BIRC6: variants seen among roughly 807,000 people sequenced by gnomAD.
The protein encoded by BIRC6 is baculoviral IAP repeat containing 6, also known as dual E2 ubiquitin-conjugating enzyme/E3 ubiquitin-protein ligase BIRC6.
Under a neutral mutation model 503.3 loss-of-function variants are expected in BIRC6, and 98 were observed. That is an observed-to-expected ratio of 0.19 (90% CI 0.17 to 0.23). BIRC6 has a LOEUF of 0.23. Ranked by LOEUF, BIRC6 falls within the 10% of genes least tolerant of loss-of-function variation. BIRC6 has a pLI of 1.00. For missense variants in BIRC6, 5,360 were observed against 5,806.0 expected, an observed-to-expected ratio of 0.92 and a Z score of 2.50; for synonymous variants, 2,240 against 2,078.7, an observed-to-expected ratio of 1.08 and a Z score of -2.11.
At chr2:32,406,695 T>A (rs962444715) in intron 9 of BIRC6, 138 bp downstream of exon 9, 1 of 562,042 alleles carries the variant, frequency 1.8e-6, no homozygotes. Context: ...GACTGAAATA[T>A]TGTGTGTCAG....
chr2:32,442,105 G>A lies in BIRC6; in HGVS notation c.3985G>A (p.Glu1329Lys). Reference protein sequence around the residue: ...CAMLQFSEFHEKLLNTLCRKT... With the variant: ...CAMLQFSEFHKKLLNTLCRKT... ...CATGTTACAGTTTTCAGAATTTCAT[G>A]AGAAGCTTCTTAATACTCTTTGCAG... is the stretch of plus-strand genomic sequence containing the variant. The change falls in exon 18 of 74, where the codon GAG becomes AAG. Residue 1329 changes from glutamate to lysine, a missense_variant. Physicochemically the swap from Glu to Lys is moderately conservative, Grantham distance 56. Around this residue, in one of 16 missense-constraint regions of BIRC6, gnomAD observed 2,299 missense variants for 2,267.2 expected, o/e 1.01. Transcript: ENST00000421745. 6.3e-7 allele frequency: 1 copy of A among 1,596,432 alleles called. No homozygotes were observed. The highest frequency in any genetic ancestry group is 8.5e-7 in the Non-Finnish European group (1 of 1,175,046).
chr2:32,378,831 T>A (rs2037216905), intron 2 of BIRC6: 1 of 152,240 alleles, frequency 6.6e-6, no homozygotes. Context: ...TATATACTTT[T>A]CTGTAGTGTT....
rs1229362421 is a variant in BIRC6, at chr2:32,545,763, C to T, written c.12713C>T (p.Ala4238Val). The change falls in exon 63 of 74, where the codon GCA (alanine) becomes GTA (valine). Residue 4238 changes from alanine to valine, a missense_variant. Physicochemically the swap from Ala to Val is moderately conservative, Grantham distance 64. Around this residue, in one of 16 missense-constraint regions of BIRC6, gnomAD observed 477 missense variants for 574.4 expected, o/e 0.83. Transcript: ENST00000421745. ...GATGGTGTACTTCTAAGGCGGATGGCATTGGAAATTGGAGCCTTACACCTC... is the reference window on the plus strand; with the variant it reads ...GATGGTGTACTTCTAAGGCGGATGGTATTGGAAATTGGAGCCTTACACCTC... ...TDDGVLLRRM[A>V]LEIGALHLIL... is the part of the protein sequence containing the mutation. 1 of 1,613,912 alleles carries T rather than the reference C, an allele frequency of 6.2e-7. No individual in the cohort carries two copies. The highest frequency in any genetic ancestry group is 2.2e-5 in the East Asian group (1 of 44,878).
chr2:32,509,406 C>G (rs751110040), intron 51 of BIRC6, among the ~76,000 whole-genome samples: 44 of 152,088 alleles, frequency 2.9e-4, no homozygotes, highest in Non-Finnish European at 5.0e-4. Context: ...AGGCGCCCAC[C>G]ACCATGCCCA....
chr2:32,371,634 C>T (rs1363796415), intron 1 of BIRC6, among the ~76,000 whole-genome samples: 3 of 152,098 alleles, frequency 2.0e-5, no homozygotes, highest in African/African-American at 7.2e-5. Flanking sequence ...CCGCCCGCCT[C>T]GGCCTCCCAA....
At position 32,461,920 on chromosome 2, in the gene BIRC6, A is replaced by G. The variant is rs78310092; in HGVS notation, c.4754-1274A>G. On this transcript the variant is annotated intron_variant, in intron 23 of 73. Coordinates refer to ENST00000421745, the MANE Select transcript of BIRC6 (RefSeq NM_016252.4). ...TTGCCGAGATTAAATAAGCTGATGT[A>G]GCTTCCATGCTTAACACTATGCCCT... 4.5e-4 allele frequency among the ~76,000 whole-genome samples: 69 copies of G among 152,272 alleles called. 1 individual carries two copies. The East Asian group carries it at 0.012, about 26-fold the overall frequency.
At chr2:32,587,531 C>T (rs2151287170) in intron 66 of BIRC6, among the ~76,000 whole-genome samples, 1 of 152,148 alleles carries the variant, frequency 6.6e-6, no homozygotes, top group African/African-American at 2.4e-5. Context: ...TGAGACTAGC[C>T]TGGGCAACAA....
intron 45 of BIRC6, among the ~76,000 whole-genome samples, chr2:32,497,114 T>G (rs1014032500): frequency 6.6e-6 from 1 of 152,268 alleles, no homozygotes; most frequent in Non-Finnish European, 1.5e-5. Flanking sequence ...GTTAGATGTT[T>G]CCCTGCATCT....
intron 1 of BIRC6, among the ~76,000 whole-genome samples, chr2:32,365,383 G>A (rs914963707): frequency 2.0e-5 from 3 of 149,988 alleles, no homozygotes; most frequent in East Asian, 3.9e-4. Context: ...GCAATGGCGC[G>A]ATCTCAGCTC....
At chr2:32,559,877 G>A (rs947703607) in intron 65 of BIRC6, among the ~76,000 whole-genome samples, 2 of 151,958 alleles carry the variant, frequency 1.3e-5, no homozygotes, top group Non-Finnish European at 2.9e-5. Flanking sequence ...TTAGCCAGGT[G>A]TAGTGGCGGG....
chr2:32,504,016 C>T (rs1196756131), intron 49 of BIRC6, among the ~76,000 whole-genome samples: 2 of 58,776 alleles, frequency 3.4e-5, no homozygotes, highest in East Asian at 3.9e-4. Flanking sequence ...CACACTGGGG[C>T]GGGGGGTGGG....
intron 73 of BIRC6, among the ~76,000 whole-genome samples, chr2:32,612,102 A>T (rs2062918000): frequency 1.3e-5 from 2 of 152,158 alleles, no homozygotes; most frequent in Admixed American, 1.3e-4. Flanking sequence ...GGCTAGGCTC[A>T]AGTGATCCTC....
chr2:32,580,114 C>T (rs1053688518), intron 66 of BIRC6, among the ~76,000 whole-genome samples: 10 of 151,994 alleles, frequency 6.6e-5, no homozygotes, highest in African/African-American at 2.4e-4. Flanking sequence ...TCACCACGCC[C>T]AGCTAATTTT....
At chr2:32,536,120 G>A (rs2057214470) in intron 61 of BIRC6, among the ~76,000 whole-genome samples, 2 of 152,184 alleles carry the variant, frequency 1.3e-5, no homozygotes, top group South Asian at 4.1e-4. Context: ...AGAAGCATTT[G>A]TTCATATCCT....
At chr2:32,460,458 G>A (rs2047767827) in intron 23 of BIRC6, among the ~76,000 whole-genome samples, 1 of 150,590 alleles carries the variant, frequency 6.6e-6, no homozygotes, top group Admixed American at 6.6e-5. Context: ...TGTATTTTTA[G>A]TAGAGACGGG....
chr2:32,483,582 C>CAAG (rs1352480464), intron 39 of BIRC6, among the ~76,000 whole-genome samples: 2 of 152,202 alleles, frequency 1.3e-5, no homozygotes, highest in African/African-American at 4.8e-5. Context: ...TCCTTATGCA[C>CAAG]AAGAGCCCAG....
chr2:32,514,218 C>T (rs750475129), intron 54 of BIRC6, among the ~76,000 whole-genome samples: 2 of 151,768 alleles, frequency 1.3e-5, no homozygotes, highest in African/African-American at 2.4e-5. Flanking sequence ...CTACTTGGGA[C>T]GCTGAGGTGG....
At chr2:32,610,797 C>G (rs936656852) in intron 72 of BIRC6, among the ~76,000 whole-genome samples, 1 of 152,124 alleles carries the variant, frequency 6.6e-6, no homozygotes, top group Non-Finnish European at 1.5e-5. Flanking sequence ...TTGATGGAGT[C>G]TTGCTCTGTC....
At chr2:32,374,877 TATGG>T (rs948198955) in intron 1 of BIRC6, among the ~76,000 whole-genome samples, 1 of 152,166 alleles carries the variant, frequency 6.6e-6, no homozygotes, top group Non-Finnish European at 1.5e-5. Context: ...AGTGTTGTAT[TATGG>T]GTGTGAGCCA....
Sources: allele counts gnomAD v4.1 joint callset (sites outside exome capture counted in the v4.1 genomes callset), GRCh38; gene constraint gnomAD v4.1.1; regional missense constraint gnomAD v4.1.1; transcripts MANE v1.5; gene names NCBI Gene and HGNC (gene_info 2026-07-23, HGNC 2026-07-21).